Variants in HNF4A observed in about 807,000 individuals in gnomAD.
The protein encoded by HNF4A is hepatocyte nuclear factor 4 alpha.
HNF4A carries 15 observed loss-of-function variants against 52.4 expected under a neutral mutation model. The observed-to-expected ratio is 0.29, with a 90% CI of 0.19 to 0.44. The LOEUF is 0.44. Ranked by LOEUF, HNF4A falls within the 20% of genes least tolerant of loss-of-function variation. The pLI is 1.00. For missense variants in HNF4A, 479 were observed against 647.2 expected (o/e 0.74, Z 2.82); for synonymous variants, 280 against 264.4 (o/e 1.06, Z -0.57).
chr20:44,411,885 G>A (rs1324324677), intron 3 of HNF4A, among the ~76,000 whole-genome samples: 4 of 148,130 alleles, frequency 2.7e-5, no homozygotes, highest in East Asian at 2.0e-4. Context: ...ATGAGACCCC[G>A]TCTCTCAAAA....
At chr20:44,356,678 G>C (rs555914554) in intron 1 of HNF4A, among the ~76,000 whole-genome samples, 1 of 152,146 alleles carries the variant, frequency 6.6e-6, no homozygotes, top group Non-Finnish European at 1.5e-5. Flanking sequence ...GTACACACGC[G>C]TATACGTGTA....
At chr20:44,365,106 G>A (rs373554578) in intron 1 of HNF4A, among the ~76,000 whole-genome samples, 8 of 152,086 alleles carry the variant, frequency 5.3e-5, no homozygotes, top group African/African-American at 1.7e-4. Context: ...ACACACACAC[G>A]TTAAATATGT....
At chr20:44,425,495 G>T (rs537968098) in intron 8 of HNF4A, among the ~76,000 whole-genome samples, 1 of 152,186 alleles carries the variant, frequency 6.6e-6, no homozygotes, top group Non-Finnish European at 1.5e-5. Flanking sequence ...GAAAGAGGAA[G>T]AGTCAAGGAC....
chr20:44,424,575 G>A (rs1354572279), intron 8 of HNF4A: 32 of 1,343,604 alleles, frequency 2.4e-5, no homozygotes, highest in East Asian at 7.6e-5. Context: ...GTATATGCCC[G>A]TATGTGCGTG....
Position 44,424,609 on chromosome 20 carries a change from T to G in HNF4A, c.1129+355T>G, listed in dbSNP as rs2063794263. 5 of 1,409,754 alleles carry G rather than the reference T, an allele frequency of 3.5e-6. No individual in the cohort carries two copies. The East Asian group carries it at 1.3e-4, about 36-fold the overall frequency. The allele number at this position is 1,409,754 out of a possible 1,614,324, so 87.3% of individuals were successfully genotyped here. Reference sequence around the variant, plus strand: ...TGCATGTGTATATAAAGCCTCACATTTTATGATTTTGAAATAAACAGGTAA... The same window carrying G: ...TGCATGTGTATATAAAGCCTCACATGTTATGATTTTGAAATAAACAGGTAA... On this transcript the variant is annotated intron_variant, in intron 8 of 9. Transcript: ENST00000316099.
In HNF4A at chr20:44,379,979, G is replaced by A. The variant is rs561133060; in HGVS notation, c.49+24126G>A. On this transcript the variant is annotated intron_variant, in intron 1 of 9. Coordinates refer to the HNF4A transcript ENST00000316673. ...GAACTCCTGACCTCGTGATCCGCCC[G>A]CCTTGGCCTCCCAAAGTGCTGGGAT... 5.3e-5 allele frequency among the ~76,000 whole-genome samples: 8 copies of A among 152,052 alleles called. No homozygotes were observed. The South Asian group carries it at 8.3e-4, about 16-fold the overall frequency.
upstream of HNF4A, chr20:44,401,207 C>A: frequency 6.7e-7 from 1 of 1,500,700 alleles, no homozygotes; most frequent in South Asian, 1.3e-5. Context: ...GAGCCTCCAC[C>A]CCTTCACAGA....
intron 1 of HNF4A, among the ~76,000 whole-genome samples, chr20:44,388,863 T>A (rs904589767): frequency 1.3e-5 from 2 of 152,186 alleles, no homozygotes; most frequent in African/African-American, 4.8e-5. Flanking sequence ...GCGGCCCGGG[T>A]GGCCACGCTT....
At chr20:44,422,500 T>G (rs1441858878) in intron 7 of HNF4A, among the ~76,000 whole-genome samples, 1 of 151,990 alleles carries the variant, frequency 6.6e-6, no homozygotes, top group Non-Finnish European at 1.5e-5. Context: ...CCTTTGTCCA[T>G]GAAAGAGGAA....
At chr20:44,375,735 T>C (rs1435072552) in intron 1 of HNF4A, among the ~76,000 whole-genome samples, 2 of 152,226 alleles carry the variant, frequency 1.3e-5, no homozygotes, top group Non-Finnish European at 2.9e-5. Flanking sequence ...TGAAAACTGC[T>C]GAATTAAAGA....
chr20:44,429,923 G>GCCTTCA lies in HNF4A; in HGVS notation c.*271_*276dup, dbSNP rs913568307. The GCCTTCA allele has an allele frequency of 4.6e-5, 24 of 523,738 alleles. 1 individual carries two copies. In the South Asian group the frequency reaches 4.9e-4, roughly 11 times the overall value. 32.4% of individuals were successfully genotyped at this position (523,738 alleles called of 1,614,324 possible). A position where few individuals can be genotyped will look rare whatever the true frequency, so the allele number is the denominator to read the frequency against. On this transcript the variant is annotated 3_prime_UTR_variant, in exon 10 of 10. Coordinates refer to ENST00000316099, the MANE Select transcript of HNF4A (RefSeq NM_000457.6). ...CAACTTTTCTCATGTTGAAGCCACTGCCTTCACCTTCACCTTCATCCATGT... is the reference window on the plus strand; with the variant it reads ...CAACTTTTCTCATGTTGAAGCCACTGCCTTCACCTTCACCTTCACCTTCATCCATGT...
chr20:44,421,793 TTA>T (rs767885296), intron 7 of HNF4A, among the ~76,000 whole-genome samples: 8 of 145,970 alleles, frequency 5.5e-5, no homozygotes, highest in South Asian at 4.2e-4. Context: ...ATAATATATA[TTA>T]TATATATATA....
At chr20:44,396,332 A>G (rs1319092252), upstream of HNF4A, among the ~76,000 whole-genome samples, 1 of 152,224 alleles carries the variant, frequency 6.6e-6, no homozygotes, top group Non-Finnish European at 1.5e-5. Context: ...CTCTGTAAAC[A>G]TTAGACCTTA....
Position 44,356,676 on chromosome 20 carries a change from G to A in HNF4A, c.49+823G>A, listed in dbSNP as rs535990953. Among the ~76,000 whole-genome samples the A allele has an allele frequency of 4.6e-5, 7 of 152,288 alleles. No individual in the cohort carries two copies. In the South Asian group the frequency reaches 8.3e-4, roughly 18 times the overall value. On this transcript the variant is annotated intron_variant, in intron 1 of 9. Transcript: ENST00000316673. ...GATATAGATGTATATATGTACACACGCGTATACGTGTACATTCCACGCATA... is the reference window on the plus strand; with the variant it reads ...GATATAGATGTATATATGTACACACACGTATACGTGTACATTCCACGCATA...
At chr20:44,399,703 TACTC>T (rs772825018), upstream of HNF4A, among the ~76,000 whole-genome samples, 7 of 152,254 alleles carry the variant, frequency 4.6e-5, no homozygotes, top group South Asian at 2.1e-4. Context: ...TTTGCTCACT[TACTC>T]AGTAATTTAC....
At chr20:44,398,062 A>T (rs1219612494), upstream of HNF4A, among the ~76,000 whole-genome samples, 1 of 152,140 alleles carries the variant, frequency 6.6e-6, no homozygotes, top group Non-Finnish European at 1.5e-5. Context: ...TTTGTCTGTT[A>T]TGTGTTAAGG....
chr20:44,398,887 C>T (rs2063377008), upstream of HNF4A, among the ~76,000 whole-genome samples: 2 of 152,176 alleles, frequency 1.3e-5, no homozygotes, highest in Non-Finnish European at 2.9e-5. Context: ...TCTGACATGA[C>T]ATTGATCACA....
chr20:44,377,945 G>A (rs2063103757), intron 1 of HNF4A: 1 of 152,110 alleles, frequency 6.6e-6, no homozygotes, highest in Non-Finnish European at 1.5e-5. Flanking sequence ...CTTAGACAGT[G>A]GATATCAACA....
At chr20:44,428,200 C>T in intron 8 of HNF4A, 135 bp from the exon 9 acceptor site, 1 of 879,526 alleles carries the variant, frequency 1.1e-6, no homozygotes, top group Non-Finnish European at 1.9e-6. Flanking sequence ...TTTACTAACC[C>T]AGGAATAGGT....
Sources: allele counts gnomAD v4.1 joint callset (sites outside exome capture counted in the v4.1 genomes callset), GRCh38; gene constraint gnomAD v4.1.1; transcripts MANE v1.5; gene names NCBI Gene and HGNC (gene_info 2026-07-23, HGNC 2026-07-21).